Variants in ADGRB1 observed in about 807,000 individuals in gnomAD.
ADGRB1 encodes the protein adhesion G protein-coupled receptor B1, also known as brain-specific angiogenesis inhibitor 1.
ADGRB1 carries 36 observed loss-of-function variants against 175.7 expected under a neutral mutation model. That is an observed-to-expected ratio of 0.20 (90% CI 0.16 to 0.27). The LOEUF (loss-of-function observed/expected upper bound fraction) is 0.27, where lower values mean the gene tolerates loss of function less well. Among genes scored for constraint, ADGRB1 ranks in the 10% least tolerant of loss-of-function variants. The pLI is 1.00. For synonymous variants in ADGRB1, 1,054 were observed against 979.4 expected, an observed-to-expected ratio of 1.08 and a Z score of -1.42; for missense variants, 1,731 against 2,255.3, an observed-to-expected ratio of 0.77 and a Z score of 4.71.
chr8:142,496,797 G>T (rs554634935), intron 17 of ADGRB1, among the ~76,000 whole-genome samples: 1 of 152,190 alleles, frequency 6.6e-6, no homozygotes, highest in South Asian at 2.1e-4. Flanking sequence ...GGGGTGTTCT[G>T]CCAGAAGCCA....
At position 142,474,935 on chromosome 8, in the gene ADGRB1, A is replaced by G. The variant is rs1481286391; in HGVS notation, c.785-539A>G. On this transcript the variant is annotated intron_variant, in intron 2 of 30. Transcript: ENST00000517894. This position sits in a 1 kb window ranked among gnomAD's most constrained non-coding sequence, Gnocchi z 5.8. ...CACCAGGTGTGAGGCCTTGATCACC[A>G]CTGGTATACCTGCGTGGGGTGAAGA... Among the ~76,000 whole-genome samples the G allele has an allele frequency of 6.6e-6, 1 of 152,068 alleles. No individual in the cohort carries two copies. Among genetic ancestry groups the G allele is most frequent in the Non-Finnish European group, 1.5e-5 (1 of 67,996 alleles).
chr8:142,526,587 A>G lies in ADGRB1; in HGVS notation c.3358A>G (p.Lys1120Glu). The stretch of plus-strand genomic sequence containing the variant: ...CCTGGTGTTCAACAAGCTCGTGTCC[A>G]AAGACGGCATCACGGACAAGAAGCT... Reference protein sequence around the residue: ...GILVFNKLVSKDGITDKKLKE... With the variant: ...GILVFNKLVSEDGITDKKLKE... The change falls in exon 24 of 31, where the codon AAA becomes GAA. Residue 1120 changes from lysine to glutamate, a missense_variant. Physicochemically the swap from Lys to Glu is moderately conservative, Grantham distance 56. This residue lies in a region of ADGRB1 where 301 missense variants were observed against 488.4 expected (regional missense o/e 0.62). Coordinates refer to ENST00000517894, the MANE Select transcript of ADGRB1 (RefSeq NM_001702.3). The G allele has an allele frequency of 6.3e-7, 1 of 1,591,494 alleles. No individual in the cohort carries two copies. The highest frequency in any genetic ancestry group is 8.5e-7 in the Non-Finnish European group (1 of 1,169,984).
chr8:142,509,982 G>A (rs1015903840), intron 17 of ADGRB1, among the ~76,000 whole-genome samples: 9 of 152,298 alleles, frequency 5.9e-5, no homozygotes, highest in African/African-American at 2.2e-4. Flanking sequence ...CCAGGGCCAG[G>A]TCTGTGAAGG....
rs758174449 is a variant in ADGRB1, at chr8:142,476,617, C to G, written c.979C>G (p.Leu327Val). ...AGRTSSRSQS[L>V]RSTDARRREE... ...GCGCACCAGCTCCCGGAGCCAGTCCCTGCGGTCCACAGATGCCCGGCGGCG... is the reference window on the plus strand; with the variant it reads ...GCGCACCAGCTCCCGGAGCCAGTCCGTGCGGTCCACAGATGCCCGGCGGCG... Residue 327 changes from leucine to valine, a missense_variant, in exon 4 of 31, where the codon CTG (leucine) becomes GTG (valine). Coordinates refer to ENST00000517894, the MANE Select transcript of ADGRB1 (RefSeq NM_001702.3). 9 of 1,548,906 alleles carry G rather than the reference C, an allele frequency of 5.8e-6. No homozygotes were observed. Among genetic ancestry groups the G allele is most frequent in the Non-Finnish European group, 7.9e-6 (9 of 1,146,456 alleles).
Position 142,474,655 on chromosome 8 carries a change from G to A in ADGRB1, c.785-819G>A, listed in dbSNP as rs1344370520. Among the ~76,000 whole-genome samples, 3 of 152,164 alleles carry A rather than the reference G, an allele frequency of 2.0e-5. No homozygotes were observed. The highest frequency in any genetic ancestry group is 6.5e-5 in the Admixed American group (1 of 15,282). On this transcript the variant is annotated intron_variant, in intron 2 of 30. Transcript: ENST00000517894. This position sits in a 1 kb window ranked among gnomAD's most constrained non-coding sequence, Gnocchi z 5.8. ...GTTTTTGGCAGCACGAGGACCCCCC[G>A]GGAGCAGAGACTCCTGGGGCGTGAG...
At chr8:142,534,134 G>T (rs1004273900) in intron 25 of ADGRB1, among the ~76,000 whole-genome samples, 1 of 152,216 alleles carries the variant, frequency 6.6e-6, no homozygotes, top group African/African-American at 2.4e-5. Flanking sequence ...CAGGGGAGCC[G>T]GTAGGCAGGG....
At chr8:142,513,199 G>A (rs1049588814) in intron 18 of ADGRB1, among the ~76,000 whole-genome samples, 12 of 152,192 alleles carry the variant, frequency 7.9e-5, no homozygotes, top group African/African-American at 2.7e-4. Flanking sequence ...GACCGAGGGC[G>A]GGCTGCCTGG....
intron 23 of ADGRB1, among the ~76,000 whole-genome samples, chr8:142,525,399 A>AGGCTGACCCTGGC (rs1268972524): frequency 2.0e-5 from 3 of 151,140 alleles, no homozygotes; most frequent in African/African-American, 7.3e-5. Flanking sequence ...TCAGGAAGGC[A>AGGCTGACCCTGGC]GGCTGACCCT....
intron 17 of ADGRB1, among the ~76,000 whole-genome samples, chr8:142,494,298 T>G: frequency 7.3e-6 from 1 of 136,180 alleles, no homozygotes; most frequent in Non-Finnish European, 1.6e-5. Flanking sequence ...CTGATCCTAG[T>G]CACATACTAA....
chr8:142,534,941 C>T (rs1012859089), intron 25 of ADGRB1, among the ~76,000 whole-genome samples: 2 of 152,226 alleles, frequency 1.3e-5, no homozygotes, highest in African/African-American at 4.8e-5. Flanking sequence ...GTCACAGGAG[C>T]TCATCACCAT....
At position 142,464,077 on chromosome 8, in the gene ADGRB1, CCTTGCCCCGCCT is replaced by C; in HGVS notation, c.-120_-109del. 8.1e-6 allele frequency: 5 copies of C among 616,914 alleles called. No individual in the cohort carries two copies. Among genetic ancestry groups the C allele is most frequent in the Non-Finnish European group, 1.1e-5 (5 of 462,100 alleles). 38.2% of individuals were successfully genotyped at this position (616,914 alleles called of 1,614,324 possible). On this transcript the variant is annotated 5_prime_UTR_variant, in exon 2 of 31. Coordinates refer to ENST00000517894, the MANE Select transcript of ADGRB1 (RefSeq NM_001702.3). The stretch of plus-strand genomic sequence containing the variant: ...GAAGCGGGGCCCTCTCCCATCCCAC[CCTTGCCCCGCCT>C]CCCTGCCCCCACCGGGCCGGCCCTG...
Position 142,541,974 on chromosome 8 carries a change from C to CCACCAT in ADGRB1, c.3744_3749dup (p.Ile1249_Thr1250dup). The CCACCAT allele has an allele frequency of 1.9e-6, 3 of 1,574,762 alleles. No homozygotes were observed. The South Asian group carries it at 3.5e-5, about 18-fold the overall frequency. Reference sequence around the variant, plus strand: ...AAGGACATCGCGGCCTGCCGCACTGCCACCATCACGGGCACACTGAAGCGG... The same window carrying CCACCAT: ...AAGGACATCGCGGCCTGCCGCACTGCCACCATCACCATCACGGGCACACTGAAGCGG... On this transcript the variant is annotated inframe_insertion, in exon 28 of 31. Coordinates refer to ENST00000517894, the MANE Select transcript of ADGRB1 (RefSeq NM_001702.3).
intron 1 of ADGRB1, among the ~76,000 whole-genome samples, chr8:142,457,020 G>A (rs1329253522): frequency 2.0e-5 from 3 of 152,208 alleles, no homozygotes; most frequent in African/African-American, 7.2e-5. Context: ...GCAGCAGGGC[G>A]GGGACAGAGG....
At chr8:142,526,508 C>CCCCCCCCCA in intron 23 of ADGRB1, 34 bp from the exon 24 acceptor site, 2 of 1,307,080 alleles carry the variant, frequency 1.5e-6, no homozygotes, top group Non-Finnish European at 2.2e-6. Context: ...CGGCGGCCCC[C>CCCCCCCCCA]ACCCCCACAC....
At chr8:142,526,742 C>T (rs1844224993) in intron 24 of ADGRB1, 115 bp downstream of exon 24, 3 of 1,087,196 alleles carry the variant, frequency 2.8e-6, no homozygotes, top group African/African-American at 1.6e-5. Flanking sequence ...GGTCCAGGGA[C>T]CCCGGAGCGG....
In ADGRB1 at chr8:142,479,357, C is replaced by T. The variant is rs991877329; in HGVS notation, c.1596C>T (p.Gly532=). 9 of 1,532,770 alleles carry T rather than the reference C, an allele frequency of 5.9e-6. No individual in the cohort carries two copies. Among genetic ancestry groups the T allele is most frequent in the Non-Finnish European group, 7.9e-6 (9 of 1,143,100 alleles). The allele number at this position is 1,532,770 out of a possible 1,614,324, so 94.9% of individuals were successfully genotyped here. ...AGTGGCAGGCCTGGGCGTCATGGGG[C>T]AGTTGCAGCGTCACGTGTGGGGCTG... The part of the protein sequence containing the change: ...DGKWQAWASW[G]SCSVTCGAGS... The change falls in exon 8 of 31, where the codon GGC becomes GGT. Residue 532 remains glycine (G), a synonymous_variant. Coordinates refer to ENST00000517894, the MANE Select transcript of ADGRB1 (RefSeq NM_001702.3).
Position 142,464,918 on chromosome 8 carries a change from G to A in ADGRB1, c.720G>A (p.Val240=). ...GGGATGTCTGCTTGAGAGATGCGGTGGCTGGTGGCCCTGAAAACTGCCTCA... is the reference window on the plus strand; with the variant it reads ...GGGATGTCTGCTTGAGAGATGCGGTAGCTGGTGGCCCTGAAAACTGCCTCA... ...PRGDVCLRDA[V]AGGPENCLTS... Residue 240 remains valine (V), a synonymous_variant, in exon 2 of 31, where the codon GTG becomes GTA. Transcript: ENST00000517894. The A allele has an allele frequency of 6.5e-7, 1 of 1,529,824 alleles. No homozygotes were observed. The highest frequency in any genetic ancestry group is 8.7e-7 in the Non-Finnish European group (1 of 1,143,644). The allele number at this position is 1,529,824 out of a possible 1,614,324, so 94.8% of individuals were successfully genotyped here. A position where few individuals can be genotyped will look rare whatever the true frequency, so the allele number is the denominator to read the frequency against.
intron 2 of ADGRB1, among the ~76,000 whole-genome samples, chr8:142,472,846 A>T (rs926918710): frequency 6.6e-6 from 1 of 151,844 alleles, no homozygotes; most frequent in African/African-American, 2.4e-5. Context: ...TAGAATCGAG[A>T]CTCAGTATGC....
intron 2 of ADGRB1, among the ~76,000 whole-genome samples, chr8:142,469,763 GTA>G (rs1348685315): frequency 1.3e-5 from 2 of 152,130 alleles, no homozygotes; most frequent in Non-Finnish European, 2.9e-5. Context: ...CTGTGTGAAT[GTA>G]TGTGTGTATG....
Sources: gnomAD v4.1 joint callset for allele counts (sites outside exome capture counted in the v4.1 genomes callset) on GRCh38, gnomAD v4.1.1 for gene constraint, gnomAD v4.1.1 regional missense constraint, Gnocchi (gnomAD v3.1) non-coding constraint, MANE v1.5 for transcripts, NCBI Gene and HGNC (gene_info 2026-07-23, HGNC 2026-07-21) for gene names.